The following LRP1B variants were observed in gnomAD, a reference collection of about 807,000 sequenced individuals.
The protein encoded by LRP1B is low-density lipoprotein receptor-related protein 1B.
In LRP1B, 217 loss-of-function variants were observed where a neutral mutation model predicts 556.6. The ratio of observed to expected loss-of-function variants is 0.39; its 90% confidence interval spans 0.35 to 0.44. LRP1B has a LOEUF of 0.44. Ranked by LOEUF, LRP1B falls within the 20% of genes least tolerant of loss-of-function variation. LRP1B has a pLI of 1.00. For missense variants in LRP1B, 5,053 were observed against 5,620.8 expected, an observed-to-expected ratio of 0.90 and a Z score of 3.23; for synonymous variants, 2,047 against 1,865.8, an observed-to-expected ratio of 1.10 and a Z score of -2.50.
chr2:142,026,148 GA>G lies in LRP1B; in HGVS notation c.82+104499del, dbSNP rs1479144586. On this transcript the variant is annotated intron_variant, in intron 1 of 90. Coordinates refer to ENST00000389484, the MANE Select transcript of LRP1B (RefSeq NM_018557.3). Reference sequence around the variant, plus strand: ...ATACTTTATTTTTGCCTGCTTTTTGGAAACTGTCAAGGCACTGCCACCTTTA... The same window carrying G: ...ATACTTTATTTTTGCCTGCTTTTTGGAACTGTCAAGGCACTGCCACCTTTA... Among the ~76,000 whole-genome samples, 3 of 152,048 alleles carry G rather than the reference GA, an allele frequency of 2.0e-5. No individual in the cohort carries two copies. The East Asian group carries it at 5.8e-4, about 29-fold the overall frequency.
chr2:141,886,444 T>C (rs1699116418), intron 1 of LRP1B, among the ~76,000 whole-genome samples: 2 of 152,184 alleles, frequency 1.3e-5, no homozygotes, highest in Non-Finnish European at 2.9e-5. Context: ...CTTGTAGCCG[T>C]GTGTAATAGG....
At chr2:140,355,017 T>C (rs1030371520) in intron 75 of LRP1B, among the ~76,000 whole-genome samples, 1 of 126,466 alleles carries the variant, frequency 7.9e-6, no homozygotes, top group Non-Finnish European at 1.8e-5. Context: ...ATCAAAACTT[T>C]ATTTATTAAA....
chr2:140,421,942 A>T (rs1685463472), intron 66 of LRP1B, among the ~76,000 whole-genome samples: 1 of 152,210 alleles, frequency 6.6e-6, no homozygotes, highest in Non-Finnish European at 1.5e-5. Flanking sequence ...GGGGCAACTC[A>T]GTGTGCAGGT....
chr2:142,058,880 A>T (rs1460555905), intron 1 of LRP1B, among the ~76,000 whole-genome samples: 1 of 151,972 alleles, frequency 6.6e-6, no homozygotes, highest in Non-Finnish European at 1.5e-5. Flanking sequence ...CTCTCTCATT[A>T]TTTTCTGAGT....
intron 43 of LRP1B, among the ~76,000 whole-genome samples, chr2:140,591,222 C>T (rs16844293): frequency 0.075 from 11,440 of 152,230 alleles, 599 homozygotes; most frequent in African/African-American, 0.13. Context: ...ATCCAGCAGC[C>T]TCTCAGAATT....
chr2:141,268,865 C>T (rs951171177), intron 3 of LRP1B, among the ~76,000 whole-genome samples: 1 of 152,102 alleles, frequency 6.6e-6, no homozygotes, highest in Admixed American at 6.6e-5. Context: ...AAGCTCTATC[C>T]CAGGAACAGA....
chr2:140,717,092 C>A (rs933051731), intron 35 of LRP1B, among the ~76,000 whole-genome samples: 3 of 151,638 alleles, frequency 2.0e-5, no homozygotes, highest in African/African-American at 7.3e-5. Context: ...TTATTAATTT[C>A]TCTACTTATT....
intron 3 of LRP1B, among the ~76,000 whole-genome samples, chr2:141,296,454 C>G (rs922179802): frequency 6.6e-6 from 1 of 152,186 alleles, no homozygotes; most frequent in African/African-American, 2.4e-5. Context: ...AATAGGCAGT[C>G]TAACCCAGGA....
At chr2:141,310,636 T>C (rs192880253) in intron 3 of LRP1B, among the ~76,000 whole-genome samples, 12 of 152,210 alleles carry the variant, frequency 7.9e-5, no homozygotes, top group African/African-American at 2.4e-4. Flanking sequence ...CATATGCACA[T>C]ACACGGACAC....
chr2:140,658,157 G>C (rs1269459473), intron 41 of LRP1B, among the ~76,000 whole-genome samples: 1 of 151,848 alleles, frequency 6.6e-6, no homozygotes, highest in Non-Finnish European at 1.5e-5. Context: ...ATTTCAGTTG[G>C]TTAACATTGA....
chr2:140,481,610 T>TATTATTATTATC (rs1553472255), intron 59 of LRP1B, among the ~76,000 whole-genome samples: 71 of 147,706 alleles, frequency 4.8e-4, no homozygotes, highest in Middle Eastern at 3.6e-3. Context: ...TTATTATTAT[T>TATTATTATTATC]ATTATTATTA....
chr2:140,588,908 C>T (rs141890770), intron 43 of LRP1B, among the ~76,000 whole-genome samples: 2,385 of 148,106 alleles, frequency 0.016, 67 homozygotes, highest in African/African-American at 0.058. Flanking sequence ...TGCAGTGAGC[C>T]GAGACTGCAC....
intron 1 of LRP1B, among the ~76,000 whole-genome samples, chr2:142,111,890 T>C (rs756381482): frequency 6.6e-6 from 1 of 152,124 alleles, no homozygotes; most frequent in Non-Finnish European, 1.5e-5. Context: ...ATACTAGGTA[T>C]CATTATCCCC....
chr2:141,429,547 G>A (rs974995499), intron 3 of LRP1B, among the ~76,000 whole-genome samples: 2 of 152,126 alleles, frequency 1.3e-5, no homozygotes, highest in African/African-American at 2.4e-5. Context: ...CATAGGAAAT[G>A]TATGCCATGG....
At chr2:141,641,361 A>T (rs961858985) in intron 2 of LRP1B, among the ~76,000 whole-genome samples, 2 of 152,184 alleles carry the variant, frequency 1.3e-5, no homozygotes, top group African/African-American at 4.8e-5. Flanking sequence ...ACATTGATAT[A>T]AAGAAAAAGG....
At chr2:142,004,721 C>T (rs972772704) in intron 1 of LRP1B, among the ~76,000 whole-genome samples, 6 of 151,454 alleles carry the variant, frequency 4.0e-5, no homozygotes, top group African/African-American at 9.7e-5. Context: ...TAGAAGGTGC[C>T]GGTAATCCCA....
At chr2:141,840,478 C>G (rs1697431172) in intron 1 of LRP1B, among the ~76,000 whole-genome samples, 1 of 151,856 alleles carries the variant, frequency 6.6e-6, no homozygotes, top group Non-Finnish European at 1.5e-5. Context: ...AGGATGGTCT[C>G]TGTCTCCTGA....
intron 62 of LRP1B, among the ~76,000 whole-genome samples, chr2:140,452,085 G>T (rs1215335158): frequency 6.6e-6 from 1 of 152,094 alleles, no homozygotes; most frequent in East Asian, 1.9e-4. Context: ...TAGCACACAA[G>T]TGACTTGATA....
rs933115667 is a variant in LRP1B at position 140,357,986 on chromosome 2, G to C, written c.11388C>G (p.Cys3796Trp). Residue 3796 changes from cysteine to tryptophan, a missense_variant, in exon 74 of 91, where the codon TGC (cysteine) becomes TGG (tryptophan). Cys to Trp is a radical substitution (Grantham distance 215). Transcript: ENST00000389484. ...DCGDGSDEQG[C>W]RIAPTEYTCE... is the part of the protein sequence containing the mutation. ...AACAGAAAACAAGCTCACCTATTCT[G>C]CATCCTTGCTCATCTGAACCATCTC... 6.2e-7 allele frequency: 1 copy of C among 1,609,216 alleles called. No individual in the cohort carries two copies. The highest frequency in any genetic ancestry group is 8.5e-7 in the Non-Finnish European group (1 of 1,176,898).
Sources: allele counts gnomAD v4.1 joint callset (sites outside exome capture counted in the v4.1 genomes callset), GRCh38; gene constraint gnomAD v4.1.1; transcripts MANE v1.5; gene names NCBI Gene and HGNC (gene_info 2026-07-23, HGNC 2026-07-21).